Variants in RGS6 observed in about 807,000 individuals in gnomAD.
RGS6 encodes the protein regulator of G protein signaling 6, also known as regulator of G-protein signaling 6.
In RGS6, 30 loss-of-function variants were observed where a neutral mutation model predicts 78.5. The ratio of observed to expected loss-of-function variants is 0.38; its 90% CI spans 0.29 to 0.52. The LOEUF (loss-of-function observed/expected upper bound fraction) is 0.52. RGS6 is among the 20% of genes least tolerant of loss of function. RGS6 has a pLI of 0.85. For synonymous variants in RGS6, 206 were observed against 206.0 expected, an observed-to-expected ratio of 1.00 and a Z score of 0.00; for missense variants, 495 against 609.7, an observed-to-expected ratio of 0.81 and a Z score of 1.98.
At chr14:72,558,867 A>G (rs1368839973) in intron 17 of RGS6, among the ~76,000 whole-genome samples, 1 of 152,118 alleles carries the variant, frequency 6.6e-6, no homozygotes, top group East Asian at 1.9e-4. Flanking sequence ...ATCACTGTAT[A>G]TTTTTTCACT....
At chr14:72,208,241 A>G (rs2238239) in intron 2 of RGS6, among the ~76,000 whole-genome samples, 9,547 of 152,234 alleles carry the variant, frequency 0.063, 465 homozygotes, top group East Asian at 0.31. Flanking sequence ...GCTTACTGCT[A>G]TTGGAGCTGA....
chr14:72,067,658 C>A (rs2094214868), intron 2 of RGS6, among the ~76,000 whole-genome samples: 1 of 151,942 alleles, frequency 6.6e-6, no homozygotes, highest in Non-Finnish European at 1.5e-5. Flanking sequence ...CCTATTAAGT[C>A]TTGATAACAA....
intron 2 of RGS6, among the ~76,000 whole-genome samples, chr14:72,083,836 C>T (rs570550664): frequency 4.6e-5 from 7 of 152,168 alleles, no homozygotes; most frequent in Admixed American, 1.3e-4. Flanking sequence ...GAAAATGGCA[C>T]GAATTAAACA....
At chr14:72,193,932 C>G (rs111633807) in intron 2 of RGS6, among the ~76,000 whole-genome samples, 2,125 of 152,170 alleles carry the variant, frequency 0.014, 13 homozygotes, top group Non-Finnish European at 0.021. Flanking sequence ...CATATCTGTT[C>G]TGGAAGGACA....
At chr14:72,452,574 A>G (rs558689532) in intron 3 of RGS6, among the ~76,000 whole-genome samples, 4 of 152,306 alleles carry the variant, frequency 2.6e-5, no homozygotes, top group African/African-American at 9.6e-5. Context: ...GAAGAGGGCA[A>G]TCCTCATGAA....
intron 13 of RGS6, among the ~76,000 whole-genome samples, chr14:72,500,315 G>C (rs143834405): frequency 2.0e-5 from 3 of 152,298 alleles, no homozygotes; most frequent in Admixed American, 6.5e-5. Flanking sequence ...AAGTGAAAAC[G>C]AAGCCCTGTT....
chr14:72,220,802 T>A (rs1274448336), intron 2 of RGS6, among the ~76,000 whole-genome samples: 1 of 152,228 alleles, frequency 6.6e-6, no homozygotes, highest in Non-Finnish European at 1.5e-5. Flanking sequence ...ATCAAACATA[T>A]GCTCTGATTC....
downstream of RGS6, among the ~76,000 whole-genome samples, chr14:72,567,606 T>G (rs1004066318): frequency 3.3e-5 from 5 of 152,222 alleles, no homozygotes; most frequent in Non-Finnish European, 7.3e-5. Context: ...TCTGGGGACC[T>G]GTGGCATAAC....
At chr14:72,462,438 G>T (rs2095805370) in intron 6 of RGS6, among the ~76,000 whole-genome samples, 2 of 152,048 alleles carry the variant, frequency 1.3e-5, no homozygotes, top group African/African-American at 4.8e-5. Context: ...TTCCCTACTT[G>T]GGAAAAAATT....
chr14:71,996,675 T>C (rs1235782737), intron 2 of RGS6, among the ~76,000 whole-genome samples: 2 of 151,856 alleles, frequency 1.3e-5, no homozygotes, highest in East Asian at 3.9e-4. Context: ...GTGGTTGACA[T>C]ATAACAGACG....
At chr14:72,416,018 C>T (rs892727306) in intron 3 of RGS6, among the ~76,000 whole-genome samples, 13 of 151,706 alleles carry the variant, frequency 8.6e-5, no homozygotes, top group African/African-American at 2.2e-4. Context: ...TGGGGTGTTG[C>T]GTGCCTGTAA....
chr14:71,951,855 G>A (rs574527066), intron 1 of RGS6, among the ~76,000 whole-genome samples: 3 of 151,770 alleles, frequency 2.0e-5, no homozygotes, highest in East Asian at 1.9e-4. Flanking sequence ...GAAATTATTC[G>A]ATGCTATTAT....
At chr14:72,506,168 T>C (rs573321370) in intron 13 of RGS6, among the ~76,000 whole-genome samples, 29 of 152,292 alleles carry the variant, frequency 1.9e-4, no homozygotes, top group Middle Eastern at 3.4e-3. Flanking sequence ...ACACTTGCCA[T>C]GTGAAAAGTC....
intron 2 of RGS6, among the ~76,000 whole-genome samples, chr14:72,293,906 C>G (rs1347857250): frequency 6.6e-6 from 1 of 152,180 alleles, no homozygotes; most frequent in African/African-American, 2.4e-5. Context: ...AGTAAACTTA[C>G]TTGTGGAAAC....
intron 2 of RGS6, among the ~76,000 whole-genome samples, chr14:72,122,740 G>GTTT (rs34605194): frequency 7.6e-6 from 1 of 132,310 alleles, no homozygotes; most frequent in Non-Finnish European, 1.6e-5. Context: ...CTAAGTTATC[G>GTTT]TTTTTTTTTT....
At chr14:72,114,982 T>C (rs572343765) in intron 2 of RGS6, among the ~76,000 whole-genome samples, 81 of 152,340 alleles carry the variant, frequency 5.3e-4, no homozygotes, top group African/African-American at 1.8e-3. Flanking sequence ...ACAGAGGCAC[T>C]ATGTAAGTAC....
chr14:72,261,302 G>C (rs979423863), intron 2 of RGS6, among the ~76,000 whole-genome samples: 3 of 152,160 alleles, frequency 2.0e-5, no homozygotes, highest in African/African-American at 7.2e-5. Flanking sequence ...GAAGAGCTAC[G>C]GCACAGAGTG....
At chr14:72,439,229 C>T (rs1156958321) in intron 3 of RGS6, among the ~76,000 whole-genome samples, 1 of 152,210 alleles carries the variant, frequency 6.6e-6, no homozygotes, top group South Asian at 2.1e-4. Context: ...AGGTCAGGGA[C>T]CACATCTGTT....
intron 3 of RGS6, among the ~76,000 whole-genome samples, chr14:72,415,481 G>A (rs371385546): frequency 3.3e-5 from 5 of 152,234 alleles, no homozygotes; most frequent in African/African-American, 4.8e-5. Flanking sequence ...GACCCCTTGC[G>A]CTTCCTGGAT....
Sources: allele counts gnomAD v4.1 joint callset (sites outside exome capture counted in the v4.1 genomes callset), GRCh38; gene constraint gnomAD v4.1.1; transcripts MANE v1.5; gene names NCBI Gene and HGNC (gene_info 2026-07-23, HGNC 2026-07-21).